KLHDC10: variants seen among roughly 807,000 people sequenced by gnomAD.
The protein encoded by KLHDC10 is kelch domain-containing protein 10.
In KLHDC10, 24 loss-of-function variants were observed where a neutral mutation model predicts 56.1. That is an observed-to-expected ratio of 0.43 (90% CI 0.31 to 0.60). The LOEUF (loss-of-function observed/expected upper bound fraction) is 0.60, where lower values mean the gene tolerates loss of function less well. Among genes scored for constraint, KLHDC10 ranks in the 20% least tolerant of loss-of-function variants. The pLI is 0.11. For synonymous variants in KLHDC10, 188 were observed against 207.1 expected (o/e 0.91, Z 0.79); for missense variants, 349 against 567.0 (o/e 0.62, Z 3.91).
intron 9 of KLHDC10, among the ~76,000 whole-genome samples, chr7:130,129,848 C>T (rs942869594): frequency 6.6e-6 from 1 of 152,068 alleles, no homozygotes; most frequent in African/African-American, 2.4e-5. Flanking sequence ...CCTGGGAGGG[C>T]GGAATAGTTT....
intron 1 of KLHDC10, among the ~76,000 whole-genome samples, chr7:130,086,834 A>G (rs1437109711): frequency 2.0e-5 from 3 of 152,212 alleles, no homozygotes; most frequent in African/African-American, 7.2e-5. Context: ...TTGCCTTTTA[A>G]TATCTGTGTT....
intron 2 of KLHDC10, among the ~76,000 whole-genome samples, chr7:130,101,924 C>T (rs1463981939): frequency 7.6e-6 from 1 of 132,288 alleles, no homozygotes; most frequent in East Asian, 2.5e-4. Flanking sequence ...GAGCCAAGAT[C>T]ATGCCACTGC....
intron 1 of KLHDC10, among the ~76,000 whole-genome samples, chr7:130,095,510 A>G (rs1795836868): frequency 6.6e-6 from 1 of 152,194 alleles, no homozygotes; most frequent in Admixed American, 6.5e-5. Flanking sequence ...GTAGACCAGC[A>G]TTTGAGAATC....
At chr7:130,127,174 C>G (rs138675226) in intron 7 of KLHDC10, among the ~76,000 whole-genome samples, 1 of 152,362 alleles carries the variant, frequency 6.6e-6, no homozygotes, top group African/African-American at 2.4e-5. Context: ...CCACTAGCAA[C>G]TCCTGTCCTT....
rs1795390572 is a variant in KLHDC10, at chr7:130,070,585, C to T, written c.-59C>T. On this transcript the variant is annotated 5_prime_UTR_variant, in exon 1 of 10. Transcript: ENST00000335420. ...CTGGAGGAGCCCAGGAAGGAGGCTC[C>T]GCTGGTTCCGCTGGGTCAGGCGCTG... The T allele has an allele frequency of 3.1e-6, 4 of 1,278,316 alleles. No individual in the cohort carries two copies. The highest frequency in any genetic ancestry group is 4.0e-6 in the Non-Finnish European group (4 of 1,008,216). 79.2% of individuals were successfully genotyped at this position (1,278,316 alleles called of 1,614,324 possible).
intron 8 of KLHDC10, 122 bp downstream of exon 8, chr7:130,127,573 A>C: frequency 1.5e-6 from 1 of 688,288 alleles, no homozygotes; most frequent in Non-Finnish European, 2.5e-6. Flanking sequence ...TATTTCTTGT[A>C]AACTTAAAGG....
intron 3 of KLHDC10, among the ~76,000 whole-genome samples, chr7:130,117,189 G>A (rs781338188): frequency 7.2e-5 from 11 of 152,170 alleles, no homozygotes; most frequent in Non-Finnish European, 1.3e-4. Flanking sequence ...GCTAAAAAGT[G>A]CTAACAACCA....
rs1269751432 is a variant in KLHDC10, at chr7:130,126,163, A to G, written c.931+232A>G. ...AGACCCTGTGTCTACAAAAAATACA[A>G]AAAAATTTGCTGGGCCTGGTGGTGT... On this transcript the variant is annotated intron_variant, in intron 7 of 9. Transcript: ENST00000335420. 4.9e-5 allele frequency among the ~76,000 whole-genome samples: 7 copies of G among 143,850 alleles called. No individual in the cohort carries two copies. The East Asian group carries it at 1.4e-3, about 28-fold the overall frequency. 94.4% of individuals were successfully genotyped at this position (143,850 alleles called of 152,430 possible).
At chr7:130,092,987 T>C (rs1795797322) in intron 1 of KLHDC10, among the ~76,000 whole-genome samples, 1 of 151,488 alleles carries the variant, frequency 6.6e-6, no homozygotes, top group Non-Finnish European at 1.5e-5. Flanking sequence ...GGGCATTTCT[T>C]GTTTTCTTTT....
intron 1 of KLHDC10, 92 bp downstream of exon 1, chr7:130,070,901 A>C: frequency 1.1e-6 from 1 of 926,064 alleles, no homozygotes; most frequent in Non-Finnish European, 1.4e-6. Flanking sequence ...CCTTGGGAGG[A>C]GGAAAGGCAG....
rs1343800736 is a variant in KLHDC10 at position 130,131,812 on chromosome 7, G to C, written c.*1066G>C. 6.6e-6 allele frequency: 1 copy of C among 152,128 alleles called. No homozygotes were observed. The highest frequency in any genetic ancestry group is 2.4e-5 in the African/African-American group (1 of 41,410). 9.4% of individuals were successfully genotyped at this position (152,128 alleles called of 1,614,324 possible). On this transcript the variant is annotated 3_prime_UTR_variant, in exon 10 of 10. Transcript: ENST00000335420. ...TGTTTCTTTTCTAATCTCTGGGCCA[G>C]GTACCTGCCATTTTCTCAGGCAGTT...
chr7:130,109,354 C>G (rs761390359), intron 2 of KLHDC10, among the ~76,000 whole-genome samples: 17 of 151,962 alleles, frequency 1.1e-4, no homozygotes, highest in South Asian at 2.1e-4. Flanking sequence ...ACCCACGTAG[C>G]TGGGACTACA....
chr7:130,108,554 T>C (rs1249033812), intron 2 of KLHDC10, among the ~76,000 whole-genome samples: 3 of 52,122 alleles, frequency 5.8e-5, no homozygotes, highest in Non-Finnish European at 1.1e-4. Context: ...CTACCAAATA[T>C]CCAAAAAAAA....
intron 4 of KLHDC10, among the ~76,000 whole-genome samples, 187 bp from the exon 5 acceptor site, chr7:130,121,867 G>A (rs1796252242): frequency 6.6e-6 from 1 of 152,176 alleles, no homozygotes; most frequent in African/African-American, 2.4e-5. Flanking sequence ...CTTTCTAAAG[G>A]TGTTTTCCAG....
At chr7:130,080,999 CT>C (rs966845024) in intron 1 of KLHDC10, among the ~76,000 whole-genome samples, 1,319 of 131,864 alleles carry the variant, frequency 0.01, 2 homozygotes, top group Middle Eastern at 0.016. Flanking sequence ...TTTCAGTTTT[CT>C]TTTTTTTTTT....
chr7:130,083,869 T>G (rs1359495651), intron 1 of KLHDC10, among the ~76,000 whole-genome samples: 1 of 152,264 alleles, frequency 6.6e-6, no homozygotes, highest in African/African-American at 2.4e-5. Context: ...TTCCTGGGTG[T>G]CAGGTCTCGT....
Position 130,070,619 on chromosome 7 carries a change from G to T in KLHDC10, c.-25G>T. 1 of 1,313,906 alleles carries T rather than the reference G, an allele frequency of 7.6e-7. No homozygotes were observed. Among genetic ancestry groups the T allele is most frequent in the Non-Finnish European group, 9.7e-7 (1 of 1,026,610 alleles). 81.4% of individuals were successfully genotyped at this position (1,313,906 alleles called of 1,614,324 possible). On this transcript the variant is annotated 5_prime_UTR_variant, in exon 1 of 10. Coordinates refer to ENST00000335420, the MANE Select transcript of KLHDC10 (RefSeq NM_014997.4). ...CGCTGGGTCAGGCGCTGACGGGACC[G>T]GGCTGCGGCAATCGTTAGCGGGTCA...
intron 2 of KLHDC10, among the ~76,000 whole-genome samples, chr7:130,101,380 T>C (rs1025478848): frequency 3.3e-5 from 5 of 152,208 alleles, no homozygotes; most frequent in African/African-American, 7.2e-5. Context: ...CCAGAATAGA[T>C]GCTCCTGTTG....
At chr7:130,076,341 G>A (rs1795503308) in intron 1 of KLHDC10, among the ~76,000 whole-genome samples, 1 of 152,118 alleles carries the variant, frequency 6.6e-6, no homozygotes, top group South Asian at 2.1e-4. Flanking sequence ...TAGGAACTCT[G>A]TATTTTAATG....
Sources: allele counts gnomAD v4.1 joint callset (sites outside exome capture counted in the v4.1 genomes callset), GRCh38; gene constraint gnomAD v4.1.1; transcripts MANE v1.5; gene names NCBI Gene and HGNC (gene_info 2026-07-23, HGNC 2026-07-21).